The following SHANK2 variants were observed in gnomAD, a reference collection of about 807,000 sequenced individuals.
SHANK2 encodes SH3 and multiple ankyrin repeat domains protein 2.
In SHANK2, 43 loss-of-function variants were observed where a neutral mutation model predicts 133.7. The observed-to-expected ratio is 0.32, with a 90% CI of 0.25 to 0.41. SHANK2 has a LOEUF of 0.41. Ranked by LOEUF, SHANK2 falls within the 10% of genes least tolerant of loss-of-function variation. The pLI, the probability that SHANK2 is intolerant of heterozygous loss-of-function variation, is 1.00. For synonymous variants in SHANK2, 1,017 were observed against 952.8 expected, an observed-to-expected ratio of 1.07 and a Z score of -1.24; for missense variants, 1,994 against 2,235.8, an observed-to-expected ratio of 0.89 and a Z score of 2.18.
At chr11:70,550,630 T>C (rs1565122147) in intron 17 of SHANK2, among the ~76,000 whole-genome samples, 1 of 152,012 alleles carries the variant, frequency 6.6e-6, no homozygotes, top group Non-Finnish European at 1.5e-5. Flanking sequence ...TTCGCGTGGG[T>C]TGGTGGGCTA....
chr11:70,760,541 AG>A (rs577962694), intron 14 of SHANK2, among the ~76,000 whole-genome samples: 4 of 152,364 alleles, frequency 2.6e-5, no homozygotes, highest in Middle Eastern at 3.4e-3. Flanking sequence ...TTTCCAAATA[AG>A]GTCTGACTCA....
intron 9 of SHANK2, among the ~76,000 whole-genome samples, chr11:71,058,629 T>C (rs1950949300): frequency 6.6e-6 from 1 of 152,234 alleles, no homozygotes; most frequent in Non-Finnish European, 1.5e-5. Flanking sequence ...CCTACAGGAC[T>C]CAGGGCCTCA....
rs1436943605 is a variant in SHANK2, at chr11:70,535,134, C to T, written c.2062-32203G>A. 1.2e-4 allele frequency among the ~76,000 whole-genome samples: 18 copies of T among 152,170 alleles called. No individual in the cohort carries two copies. Among genetic ancestry groups the T allele is most frequent in the African/African-American group, 4.1e-4 (17 of 41,444 alleles). ...AGGCACATGAAGTAGTGCTCATGAC[C>T]AGGGATGGTTCCCACGAACACCTTC... is the stretch of plus-strand genomic sequence containing the variant. On this transcript the variant is annotated intron_variant, in intron 17 of 25. Transcript: ENST00000601538. The surrounding 1 kb of genome is among the most constrained non-coding windows in gnomAD (Gnocchi z 4.3).
rs1555052086 is a variant in SHANK2 at position 70,807,093 on chromosome 11, A to G, written c.1572T>C (p.Ser524=). 1 of 718,004 alleles carries G rather than the reference A, an allele frequency of 1.4e-6. No individual in the cohort carries two copies. The highest frequency in any genetic ancestry group is 2.6e-6 in the Non-Finnish European group (1 of 385,018). The allele number at this position is 718,004 out of a possible 1,614,324, so 44.5% of individuals were successfully genotyped here. Residue 524 remains serine, a synonymous_variant, in exon 13 of 26, where the codon AGT becomes AGC. Coordinates refer to ENST00000601538, the MANE Select transcript of SHANK2 (RefSeq NM_012309.5). This position sits in a 1 kb window ranked among gnomAD's most constrained non-coding sequence, Gnocchi z 4.8. The part of the protein sequence containing the change: ...EYPGPKRKLY[S]AVPGRLFVAV... ...CGACGAAGAGCCTCCCGGGCACGGC[A>G]CTGTAGAGCTTCCGCTTGGGCCCCG...
chr11:70,789,677 G>T lies in SHANK2; in HGVS notation c.1777+8766C>A, dbSNP rs1054905095. ...CACTGGGTAGGTGCTGCTCATCTGG[G>T]TAGGTGCCCAGGAGTGAAGTAGGAG... On this transcript the variant is annotated intron_variant, in intron 14 of 25. Coordinates refer to ENST00000601538, the MANE Select transcript of SHANK2 (RefSeq NM_012309.5). 2.0e-5 allele frequency among the ~76,000 whole-genome samples: 3 copies of T among 152,202 alleles called. No homozygotes were observed. In the South Asian group the frequency reaches 6.2e-4, roughly 32 times the overall value.
intron 2 of SHANK2, among the ~76,000 whole-genome samples, chr11:71,221,961 G>A (rs1555121228): frequency 6.6e-6 from 1 of 152,154 alleles, no homozygotes; most frequent in African/African-American, 2.4e-5. Context: ...GGTGGCTCCT[G>A]TTAGGGCGGA....
At chr11:70,631,375 T>TATAC in intron 17 of SHANK2, 1 of 143,476 alleles carries the variant, frequency 7.0e-6, no homozygotes, top group Non-Finnish European at 1.5e-5. Context: ...TTCCCGGAGT[T>TATAC]ACACACACAC....
At chr11:70,617,342 A>T (rs1192703119) in intron 17 of SHANK2, among the ~76,000 whole-genome samples, 1 of 152,088 alleles carries the variant, frequency 6.6e-6, no homozygotes, top group Non-Finnish European at 1.5e-5. Flanking sequence ...GTGCATGTAC[A>T]TGCATGTTAA....
rs140186636 is a variant in SHANK2, at chr11:71,096,893, A to G, written c.593-2205T>C. On this transcript the variant is annotated intron_variant, in intron 6 of 25. Transcript: ENST00000601538. ...AGAGAGAGCTGGTGGCAAGTGGTAA[A>G]ATCAGATCAGAGGCTTGAATCCTGA... is the stretch of plus-strand genomic sequence containing the variant. Among the ~76,000 whole-genome samples, 1,460 of 152,304 alleles carry G rather than the reference A, an allele frequency of 9.6e-3. 28 individuals carry two copies. Among genetic ancestry groups the G allele is most frequent in the African/African-American group, 0.033 (1,384 of 41,578 alleles).
chr11:71,163,560 G>C (rs536518460), intron 2 of SHANK2, among the ~76,000 whole-genome samples: 2 of 152,190 alleles, frequency 1.3e-5, no homozygotes, highest in African/African-American at 4.8e-5. Flanking sequence ...GAATGTGATA[G>C]GAGGGCATTG....
chr11:70,905,163 C>G (rs1324462068), intron 10 of SHANK2, among the ~76,000 whole-genome samples: 1 of 152,118 alleles, frequency 6.6e-6, no homozygotes, highest in East Asian at 1.9e-4. Flanking sequence ...GCCAGCCAGA[C>G]AGGCAGGTGA....
At position 71,092,495 on chromosome 11, in the gene SHANK2, C is replaced by CTT; in HGVS notation, c.838_839insAA (p.Cys280Ter). The CTT allele has an allele frequency of 6.4e-7, 1 of 1,551,636 alleles. No individual in the cohort carries two copies. Among genetic ancestry groups the CTT allele is most frequent in the Non-Finnish European group, 8.7e-7 (1 of 1,147,000 alleles). ...GTGTTCGTGCAGGAGAAGCTCGCAGCAGTAGGGATCACCTCCGACGATGGC... is the reference window on the plus strand; with the variant it reads ...GTGTTCGTGCAGGAGAAGCTCGCAGCTTAGTAGGGATCACCTCCGACGATGGC... ...HTAIVGGDPY[C>*]CELLLHEHAT... The change falls in exon 8 of 26, where the codon TGC becomes TAAGC. Residue 280 changes from cysteine (C) to a stop codon, truncating the protein, a stop_gained and frameshift_variant. Transcript: ENST00000601538. LOFTEE classifies it high-confidence loss of function.
At chr11:70,643,703 T>C (rs1851008300) in intron 17 of SHANK2, among the ~76,000 whole-genome samples, 1 of 152,162 alleles carries the variant, frequency 6.6e-6, no homozygotes, top group South Asian at 2.1e-4. Flanking sequence ...CTTTTATACG[T>C]TGGCATTGTT....
intron 11 of SHANK2, chr11:70,872,931 T>C (rs1331916728): frequency 2.2e-6 from 1 of 460,328 alleles, no homozygotes. Context: ...ATATCCACTG[T>C]CTGCCCTCTC....
intron 2 of SHANK2, among the ~76,000 whole-genome samples, chr11:71,204,876 G>C (rs797044099): frequency 8.9e-4 from 135 of 152,206 alleles, no homozygotes; most frequent in African/African-American, 2.8e-3. Context: ...ACCACGGCCG[G>C]GCAGGGAAGG....
chr11:70,731,993 T>G (rs1555032343), intron 14 of SHANK2, among the ~76,000 whole-genome samples: 1 of 151,930 alleles, frequency 6.6e-6, no homozygotes, highest in African/African-American at 2.4e-5. Flanking sequence ...CCTCCTCAGC[T>G]CCCCATCCTC....
At chr11:70,557,638 T>G (rs1337861268) in intron 17 of SHANK2, among the ~76,000 whole-genome samples, 1 of 151,792 alleles carries the variant, frequency 6.6e-6, no homozygotes, top group Non-Finnish European at 1.5e-5. Context: ...GGGGGAGCTG[T>G]GGGTGGGGGG....
rs1475753146 is a variant in SHANK2, at chr11:70,515,380, G to A, written c.2062-12449C>T. ...AATATTTCTTTTATTTTCTCTTTGAGGTATCCTTATTTTATACACAGTAGA... is the reference window on the plus strand; with the variant it reads ...AATATTTCTTTTATTTTCTCTTTGAAGTATCCTTATTTTATACACAGTAGA... On this transcript the variant is annotated intron_variant, in intron 17 of 25. Transcript: ENST00000601538. Among the ~76,000 whole-genome samples the A allele has an allele frequency of 2.0e-5, 3 of 151,974 alleles. No homozygotes were observed. The East Asian group carries it at 5.8e-4, about 29-fold the overall frequency.
chr11:70,689,451 G>A (rs1203590463), intron 15 of SHANK2, among the ~76,000 whole-genome samples: 2 of 152,136 alleles, frequency 1.3e-5, no homozygotes, highest in African/African-American at 4.8e-5. Flanking sequence ...AGAGCAATGA[G>A]CTCAATGTGC....
Sources: gnomAD v4.1 joint callset for allele counts (sites outside exome capture counted in the v4.1 genomes callset) on GRCh38, gnomAD v4.1.1 for gene constraint, Gnocchi (gnomAD v3.1) non-coding constraint, MANE v1.5 for transcripts, NCBI Gene and HGNC (gene_info 2026-07-23, HGNC 2026-07-21) for gene names.